Variants in PTBP3 observed in about 807,000 individuals in gnomAD.
The protein encoded by PTBP3 is polypyrimidine tract binding protein 3, also known as polypyrimidine tract-binding protein 3.
In PTBP3, 20 loss-of-function variants were observed where a neutral mutation model predicts 58.7. The ratio of observed to expected loss-of-function variants is 0.34; its 90% CI spans 0.24 to 0.50. PTBP3 has a LOEUF of 0.50. PTBP3 is among the 20% of genes least tolerant of loss of function. PTBP3 has a pLI of 0.98. For synonymous variants in PTBP3, 185 were observed against 219.8 expected (o/e 0.84, Z 1.40); for missense variants, 509 against 637.2 (o/e 0.80, Z 2.17).
chr9:112,302,582 C>CTTTTTTTTTTTTTTTTTTTTT (rs369208342), intron 1 of PTBP3, among the ~76,000 whole-genome samples: 6 of 110,504 alleles, frequency 5.4e-5, no homozygotes, highest in African/African-American at 1.9e-4. Flanking sequence ...TATTCTTCAT[C>CTTTTTTTTTTTTTTTTTTTTT]TTTTTTTTTT....
intron 2 of PTBP3, among the ~76,000 whole-genome samples, chr9:112,279,372 A>G (rs1827760655): frequency 1.3e-5 from 2 of 152,212 alleles, no homozygotes; most frequent in Non-Finnish European, 2.9e-5. Flanking sequence ...TCACGCTTCC[A>G]AAGAGCTTTG....
At position 112,231,107 on chromosome 9, in the gene PTBP3, T is replaced by C. The variant is rs1037313333; in HGVS notation, c.1054+273A>G. Among the ~76,000 whole-genome samples, 3 of 150,202 alleles carry C rather than the reference T, an allele frequency of 2.0e-5. No homozygotes were observed. The East Asian group carries it at 5.8e-4, about 29-fold the overall frequency. ...TGCCCTCCCTTTCTGCCTGGCTGAT[T>C]CTTACTCATGTTGAACAAGTCAGCT... On this transcript the variant is annotated intron_variant, in intron 10 of 13. Transcript: ENST00000374257.
At chr9:112,364,294 G>T in the PTBP3 span, among the ~76,000 whole-genome samples, 2 of 140,162 alleles carry the variant, frequency 1.4e-5, no homozygotes, top group African/African-American at 2.7e-5. Context: ...CAAAAAAAAA[G>T]CCCTAGTTAT....
chr9:112,238,307 T>C (rs1835513645), intron 7 of PTBP3, among the ~76,000 whole-genome samples: 1 of 152,112 alleles, frequency 6.6e-6, no homozygotes, highest in African/African-American at 2.4e-5. Context: ...ATTGCTAAGA[T>C]CTAAAATTAT....
At position 112,221,675 on chromosome 9, in the gene PTBP3, A is replaced by G. The variant is rs1834812573; in HGVS notation, c.*2176T>C. 1.0e-6 allele frequency: 1 copy of G among 985,200 alleles called. No homozygotes were observed. Among genetic ancestry groups the G allele is most frequent in the South Asian group, 4.7e-5 (1 of 21,286 alleles). 61.0% of individuals were successfully genotyped at this position (985,200 alleles called of 1,614,324 possible). ...AAACTAAAAACTCCCACAACTACAT[A>G]CATGAGTATATCTATCTATTCAGCC... On this transcript the variant is annotated 3_prime_UTR_variant, in exon 14 of 14. Coordinates refer to ENST00000374257, the MANE Select transcript of PTBP3 (RefSeq NM_001163788.4).
At chr9:112,231,977 A>G (rs879151940) in intron 9 of PTBP3, 122 bp downstream of exon 9, 3 of 362,524 alleles carry the variant, frequency 8.3e-6, no homozygotes, top group Non-Finnish European at 1.3e-5. Context: ...GAGAGAAGAG[A>G]AGAGAAGAGA....
At chr9:112,270,089 C>T (rs754557736) in intron 3 of PTBP3, among the ~76,000 whole-genome samples, 6 of 151,952 alleles carry the variant, frequency 3.9e-5, no homozygotes, top group Non-Finnish European at 7.4e-5. Flanking sequence ...GGATTACAAG[C>T]GCATGATACC....
chr9:112,268,647 G>A lies in PTBP3; in HGVS notation c.205-452C>T, dbSNP rs548978591. ...GGACTGCTCAAGCCTGGGAGGTTGA[G>A]GGTGCAGTGATCCATGTTTGCATGA... On this transcript the variant is annotated intron_variant, in intron 3 of 13. Transcript: ENST00000374257. Among the ~76,000 whole-genome samples the A allele has an allele frequency of 1.9e-4, 28 of 150,246 alleles. 1 individual carries two copies. In the East Asian group the frequency reaches 5.5e-3, roughly 30 times the overall value.
chr9:112,295,288 A>G (rs1277553313), intron 2 of PTBP3, among the ~76,000 whole-genome samples: 8 of 151,930 alleles, frequency 5.3e-5, no homozygotes. Flanking sequence ...TCACATGAAA[A>G]GTCTAAATGT....
rs1172750805 is a variant in PTBP3, at chr9:112,224,225, G to C, written c.1365-15C>G. On this transcript the variant is annotated splice_polypyrimidine_tract_variant and intron_variant, in intron 12 of 13. Transcript: ENST00000374257. ...TAACAGAAGGGCTGTGAAAACATCA[G>C]AGGGAGTCAACTACCTGGGCCGCAT... 6.7e-7 allele frequency: 1 copy of C among 1,491,680 alleles called. No homozygotes were observed. Among genetic ancestry groups the C allele is most frequent in the African/African-American group, 1.4e-5 (1 of 70,246 alleles). The allele number at this position is 1,491,680 out of a possible 1,614,324, so 92.4% of individuals were successfully genotyped here.
the PTBP3 span, among the ~76,000 whole-genome samples, chr9:112,353,715 G>T: frequency 2.0e-5 from 3 of 151,896 alleles, no homozygotes; most frequent in African/African-American, 7.3e-5. Flanking sequence ...ATGCTCTTTG[G>T]GAGGCTGAGG....
chr9:112,358,528 G>A, the PTBP3 span, among the ~76,000 whole-genome samples: 49 of 152,308 alleles, frequency 3.2e-4, no homozygotes, highest in East Asian at 8.3e-3. Flanking sequence ...TATCCTCTGA[G>A]CAAACAGTCC....
upstream of PTBP3, among the ~76,000 whole-genome samples, chr9:112,336,514 C>T (rs1448750877): frequency 2.4e-5 from 1 of 41,346 alleles, no homozygotes; most frequent in Non-Finnish European, 3.9e-5. Flanking sequence ...GGCATGGTGG[C>T]TCACACCTGT....
chr9:112,349,235 A>T, the PTBP3 span, among the ~76,000 whole-genome samples: 1 of 152,138 alleles, frequency 6.6e-6, no homozygotes, highest in Admixed American at 6.5e-5. Context: ...GGGTTGCTAG[A>T]CATATGGAGG....
chr9:112,251,924 A>G (rs905675852), intron 6 of PTBP3, among the ~76,000 whole-genome samples: 3 of 152,196 alleles, frequency 2.0e-5, no homozygotes, highest in Non-Finnish European at 4.4e-5. Flanking sequence ...ATTGAGTGCC[A>G]GACACTGTGT....
At chr9:112,376,664 G>C in the PTBP3 span, among the ~76,000 whole-genome samples, 2 of 152,136 alleles carry the variant, frequency 1.3e-5, no homozygotes, top group African/African-American at 4.8e-5. Flanking sequence ...TGATGTTGGA[G>C]GGCAAGAAGG....
Position 112,221,555 on chromosome 9 carries a change from A to G in PTBP3, c.*2296T>C. The G allele has an allele frequency of 4.1e-6, 4 of 985,732 alleles. No individual in the cohort carries two copies. The highest frequency in any genetic ancestry group is 4.8e-6 in the Non-Finnish European group (4 of 829,926). 61.1% of individuals were successfully genotyped at this position (985,732 alleles called of 1,614,324 possible). A position where few individuals can be genotyped will look rare whatever the true frequency, so the allele number is the denominator to read the frequency against. ...AGTGCCTGTGTGGAAGGGAAAAAAA[A>G]GCAAGTTTTGGGAGATTTTGCAAAG... On this transcript the variant is annotated 3_prime_UTR_variant, in exon 14 of 14. Coordinates refer to ENST00000374257, the MANE Select transcript of PTBP3 (RefSeq NM_001163788.4).
At chr9:112,280,786 C>CAT (rs3032063) in intron 2 of PTBP3, among the ~76,000 whole-genome samples, 105 of 149,988 alleles carry the variant, frequency 7.0e-4, no homozygotes, top group South Asian at 4.2e-4. Flanking sequence ...TGTGTGTGTG[C>CAT]ATATATATAT....
At chr9:112,334,387 CAT>C (rs1830521655), upstream of PTBP3, among the ~76,000 whole-genome samples, 1 of 152,104 alleles carries the variant, frequency 6.6e-6, no homozygotes, top group African/African-American at 2.4e-5. Context: ...GATGAAAATA[CAT>C]ATACAAAGAG....
Sources: gnomAD v4.1 joint callset for allele counts (sites outside exome capture counted in the v4.1 genomes callset) on GRCh38, gnomAD v4.1.1 for gene constraint, MANE v1.5 for transcripts, NCBI Gene and HGNC (gene_info 2026-07-23, HGNC 2026-07-21) for gene names.